The following GFRAL variants were observed in gnomAD, a reference collection of about 807,000 sequenced individuals.
GFRAL encodes GDNF family receptor alpha like, also known as GDNF family receptor alpha-like.
In GFRAL, 36 loss-of-function variants were observed where a neutral mutation model predicts 45.4. The observed-to-expected ratio is 0.79, with a 90% CI of 0.61 to 1.05. The LOEUF (loss-of-function observed/expected upper bound fraction) is 1.05. Ranked by LOEUF, GFRAL falls within the 50% of genes least tolerant of loss-of-function variation. The pLI is 0.00. For missense variants in GFRAL, 507 were observed against 467.5 expected (o/e 1.08, Z -0.78); for synonymous variants, 166 against 154.1 (o/e 1.08, Z -0.57).
At chr6:55,352,038 C>T (rs1009971301) in intron 5 of GFRAL, among the ~76,000 whole-genome samples, 6 of 152,012 alleles carry the variant, frequency 3.9e-5, no homozygotes, top group African/African-American at 1.4e-4. Flanking sequence ...AGCATAAATA[C>T]TCACATGAGT....
intron 6 of GFRAL, among the ~76,000 whole-genome samples, chr6:55,370,692 T>C (rs967759176): frequency 2.1e-4 from 32 of 152,148 alleles, no homozygotes; most frequent in African/African-American, 7.7e-4. Flanking sequence ...AAAATCACAT[T>C]ATATAATGGC....
intron 3 of GFRAL, among the ~76,000 whole-genome samples, chr6:55,345,422 T>C (rs1270912593): frequency 6.6e-6 from 1 of 152,114 alleles, no homozygotes; most frequent in Non-Finnish European, 1.5e-5. Context: ...TTGACAAACC[T>C]GACAAAAACA....
chr6:55,399,927 C>A (rs1187934443), intron 8 of GFRAL, among the ~76,000 whole-genome samples: 2 of 152,062 alleles, frequency 1.3e-5, no homozygotes, highest in Admixed American at 1.3e-4. Context: ...TTTCATAAAG[C>A]CTCACAGAGT....
chr6:55,393,152 T>G (rs1431928960), intron 6 of GFRAL, among the ~76,000 whole-genome samples: 1 of 152,194 alleles, frequency 6.6e-6, no homozygotes, highest in African/African-American at 2.4e-5. Context: ...TATAAATCCT[T>G]GCCATTTAAT....
At chr6:55,361,606 A>G (rs774886212) in intron 6 of GFRAL, among the ~76,000 whole-genome samples, 4 of 152,006 alleles carry the variant, frequency 2.6e-5, no homozygotes, top group South Asian at 2.1e-4. Flanking sequence ...AGTGATGACT[A>G]TACTTGAATT....
chr6:55,363,711 G>A (rs1768312482), intron 6 of GFRAL, among the ~76,000 whole-genome samples: 1 of 150,508 alleles, frequency 6.6e-6, no homozygotes, highest in South Asian at 2.1e-4. Context: ...TCTTGCGATA[G>A]TTTACTGAGA....
At chr6:55,398,617 G>A (rs1180608287) in intron 6 of GFRAL, among the ~76,000 whole-genome samples, 2 of 152,154 alleles carry the variant, frequency 1.3e-5, no homozygotes, top group Admixed American at 6.5e-5. Context: ...TTCTAAAATT[G>A]TGAGCTATTG....
chr6:55,337,305 T>C (rs1211953103), intron 3 of GFRAL, among the ~76,000 whole-genome samples: 1 of 152,178 alleles, frequency 6.6e-6, no homozygotes, highest in Non-Finnish European at 1.5e-5. Context: ...TTTTTGTATT[T>C]CTGGATTCAA....
intron 2 of GFRAL, among the ~76,000 whole-genome samples, chr6:55,332,215 T>G (rs1380183858): frequency 6.6e-6 from 1 of 152,132 alleles, no homozygotes; most frequent in Admixed American, 6.5e-5. Context: ...AAAATAAGAT[T>G]TGTTATAATA....
intron 4 of GFRAL, among the ~76,000 whole-genome samples, chr6:55,350,512 A>AAAAAC (rs1345869205): frequency 1.1e-4 from 17 of 151,922 alleles, no homozygotes; most frequent in Non-Finnish European, 1.3e-4. Flanking sequence ...CTGTCTCTAC[A>AAAAAC]AAAACAAAAC....
At chr6:55,354,354 G>T (rs147844033) in intron 5 of GFRAL, among the ~76,000 whole-genome samples, 1 of 151,942 alleles carries the variant, frequency 6.6e-6, no homozygotes, top group African/African-American at 2.4e-5. Flanking sequence ...GTTTGGTGTG[G>T]GGTCTGGAGT....
rs1328822548 is a variant in GFRAL, at chr6:55,397,375, G to A, written c.953-1805G>A. On this transcript the variant is annotated intron_variant, in intron 6 of 8. Transcript: ENST00000340465. ...CTACTAAAAATACAAAAAATTAGCC[G>A]GGCGCAGTGGCGGGCGCCTGTAGTC... Among the ~76,000 whole-genome samples the A allele has an allele frequency of 2.7e-5, 4 of 147,408 alleles. 1 individual carries two copies. The highest frequency in any genetic ancestry group is 6.0e-5 in the Non-Finnish European group (4 of 66,838).
intron 6 of GFRAL, among the ~76,000 whole-genome samples, chr6:55,394,485 T>A (rs1768795913): frequency 6.6e-6 from 1 of 151,368 alleles, no homozygotes; most frequent in Non-Finnish European, 1.5e-5. Flanking sequence ...AAATAATAAT[T>A]TCAGTGGACT....
At chr6:55,342,397 A>G (rs1767980508) in intron 3 of GFRAL, among the ~76,000 whole-genome samples, 3 of 152,120 alleles carry the variant, frequency 2.0e-5, no homozygotes, top group Admixed American at 1.3e-4. Flanking sequence ...AGAATTTTCA[A>G]ACCAGAATTT....
At chr6:55,347,850 TG>T (rs1443800823) in intron 3 of GFRAL, among the ~76,000 whole-genome samples, 4 of 152,196 alleles carry the variant, frequency 2.6e-5, no homozygotes, top group African/African-American at 9.6e-5. Flanking sequence ...CTTTAAATGT[TG>T]CCACATACCC....
At chr6:55,398,694 A>G (rs749378948) in intron 6 of GFRAL, among the ~76,000 whole-genome samples, 2 of 152,200 alleles carry the variant, frequency 1.3e-5, no homozygotes, top group Admixed American at 1.3e-4. Flanking sequence ...ATGGCCAGGA[A>G]TAGCTCTGAA....
chr6:55,383,355 C>T (rs569746221), intron 6 of GFRAL, among the ~76,000 whole-genome samples: 56 of 152,094 alleles, frequency 3.7e-4, no homozygotes, highest in African/African-American at 1.2e-3. Context: ...CAATTATGCA[C>T]TGCATAATGA....
chr6:55,359,562 C>A (rs9475258), intron 6 of GFRAL, among the ~76,000 whole-genome samples: 17,083 of 151,888 alleles, frequency 0.11, 1,050 homozygotes, highest in African/African-American at 0.16. Context: ...GATGGCTCTT[C>A]CGATGGTCTT....
At position 55,358,969 on chromosome 6, in the gene GFRAL, C is replaced by G. The variant is rs571685648; in HGVS notation, c.783C>G (p.Thr261=). 6.2e-7 allele frequency: 1 copy of G among 1,613,064 alleles called. No homozygotes were observed. The highest frequency in any genetic ancestry group is 1.1e-5 in the South Asian group (1 of 91,070). ...KCHEDENCIS[T]LSKQDLTCSG... Reference sequence around the variant, plus strand: ...ATGAAGATGAGAATTGCATTAGCACCTTAAGCAAACAGGACCTCACTTGTT... The same window carrying G: ...ATGAAGATGAGAATTGCATTAGCACGTTAAGCAAACAGGACCTCACTTGTT... Residue 261 remains threonine (T), a synonymous_variant, in exon 6 of 9, where the codon ACC becomes ACG. Transcript: ENST00000340465.
Sources: allele counts gnomAD v4.1 joint callset (sites outside exome capture counted in the v4.1 genomes callset), GRCh38; gene constraint gnomAD v4.1.1; transcripts MANE v1.5; gene names NCBI Gene and HGNC (gene_info 2026-07-23, HGNC 2026-07-21).